Variants in ASTN1 observed in about 807,000 individuals in gnomAD.
ASTN1 encodes the protein astrotactin 1.
A neutral mutation model predicts 140.7 loss-of-function variants in ASTN1; 41 were observed. The ratio of observed to expected loss-of-function variants is 0.29; its 90% CI spans 0.23 to 0.38. ASTN1 has a LOEUF of 0.38. ASTN1 is among the 10% of genes least tolerant of loss of function. The pLI, the probability that ASTN1 is intolerant of heterozygous loss-of-function variation, is 1.00. For synonymous variants in ASTN1, 640 were observed against 652.2 expected (o/e 0.98, Z 0.29); for missense variants, 1,479 against 1,678.8 (o/e 0.88, Z 2.08).
intron 9 of ASTN1, among the ~76,000 whole-genome samples, chr1:176,962,842 T>C (rs1672724178): frequency 6.6e-6 from 1 of 152,222 alleles, no homozygotes; most frequent in Admixed American, 6.5e-5. Context: ...TGGAGACTGC[T>C]TTTTGGATGA....
intron 16 of ASTN1, among the ~76,000 whole-genome samples, chr1:176,928,152 C>T (rs759439701): frequency 3.4e-4 from 52 of 151,558 alleles, no homozygotes; most frequent in Non-Finnish European, 5.9e-4. Context: ...TACAGAAAGA[C>T]TAGACCCTAG....
intron 3 of ASTN1, 133 bp from the exon 4 acceptor site, chr1:177,031,085 G>A: frequency 1.0e-6 from 1 of 986,682 alleles, no homozygotes; most frequent in Non-Finnish European, 1.4e-6. Context: ...CTGAGAGACT[G>A]GCTGCAAGAA....
chr1:177,107,178 C>T (rs1680588221), intron 1 of ASTN1, among the ~76,000 whole-genome samples: 1 of 152,116 alleles, frequency 6.6e-6, no homozygotes. Context: ...ACCTGCTGAA[C>T]CAGAATCAGT....
chr1:176,999,665 C>G (rs1402703107), intron 8 of ASTN1, among the ~76,000 whole-genome samples: 2 of 152,048 alleles, frequency 1.3e-5, no homozygotes, highest in East Asian at 3.9e-4. Flanking sequence ...TGTCCCCACC[C>G]AAAATGTCAT....
At chr1:177,009,070 G>A (rs1250087475) in intron 8 of ASTN1, among the ~76,000 whole-genome samples, 1 of 152,142 alleles carries the variant, frequency 6.6e-6, no homozygotes, top group Non-Finnish European at 1.5e-5. Context: ...AAGACTTTGG[G>A]CTGGTCAAAG....
At chr1:176,947,165 C>CCCCT (rs1270859677) in intron 12 of ASTN1, among the ~76,000 whole-genome samples, 1 of 152,200 alleles carries the variant, frequency 6.6e-6, no homozygotes, top group Non-Finnish European at 1.5e-5. Flanking sequence ...AGCTGATTAA[C>CCCCT]CTCTCTGAGC....
At chr1:177,138,668 T>C (rs1425470870) in intron 1 of ASTN1, among the ~76,000 whole-genome samples, 2 of 152,156 alleles carry the variant, frequency 1.3e-5, no homozygotes, top group East Asian at 3.9e-4. Flanking sequence ...GAAGAGGTTT[T>C]GTGAGTTTGT....
chr1:176,869,111 CATATAGA>C, intron 21 of ASTN1, 84 bp from the exon 22 acceptor site: 2 of 928,944 alleles, frequency 2.2e-6, no homozygotes. Flanking sequence ...TGATCTATAT[CATATAGA>C]CATATCACAT....
rs529490113 is a variant in ASTN1, at chr1:176,958,265, C to A, written c.1736+80G>T. 2.6e-5 allele frequency: 41 copies of A among 1,598,416 alleles called. 1 individual carries two copies. In the African/African-American group the frequency reaches 5.4e-4, roughly 21 times the overall value. On this transcript the variant is annotated intron_variant, in intron 10 of 22. Coordinates refer to ENST00000361833, the MANE Select transcript of ASTN1 (RefSeq NM_004319.3). ...CTTTTAGCTTGTTGGGACTCCTTCC[C>A]CAGCACCTAAAACCTACAGGTAGTT...
chr1:177,077,932 G>A (rs1037788020), intron 1 of ASTN1, among the ~76,000 whole-genome samples: 27 of 152,264 alleles, frequency 1.8e-4, no homozygotes, highest in Non-Finnish European at 3.2e-4. Flanking sequence ...GTAGGAATGT[G>A]AAATTGGGAA....
At chr1:176,875,208 G>C (rs993763375) in intron 21 of ASTN1, among the ~76,000 whole-genome samples, 8 of 152,108 alleles carry the variant, frequency 5.3e-5, no homozygotes, top group Non-Finnish European at 2.9e-5. Context: ...TCTAGGTAAT[G>C]GGACCAATGT....
chr1:177,162,836 C>T (rs899296674), intron 1 of ASTN1, among the ~76,000 whole-genome samples: 7 of 152,136 alleles, frequency 4.6e-5, no homozygotes, highest in African/African-American at 2.4e-5. Context: ...TTTTGATGAG[C>T]GGCATATCCA....
intron 1 of ASTN1, among the ~76,000 whole-genome samples, chr1:177,068,799 TC>T (rs1678489529): frequency 6.6e-6 from 1 of 151,886 alleles, no homozygotes; most frequent in African/African-American, 2.4e-5. Flanking sequence ...TTTGGATTTT[TC>T]TTTTTTTCCT....
intron 9 of ASTN1, among the ~76,000 whole-genome samples, chr1:176,963,125 A>G (rs1307946638): frequency 6.6e-6 from 1 of 152,200 alleles, no homozygotes; most frequent in African/African-American, 2.4e-5. Flanking sequence ...CTAAGAACAA[A>G]AGGTTCTCTA....
chr1:177,095,360 A>C (rs1679979601), intron 1 of ASTN1, among the ~76,000 whole-genome samples: 1 of 152,198 alleles, frequency 6.6e-6, no homozygotes, highest in Non-Finnish European at 1.5e-5. Flanking sequence ...GTCTGCTACT[A>C]TTTGTTGAGA....
chr1:177,122,575 A>G (rs944267937), intron 1 of ASTN1, among the ~76,000 whole-genome samples: 1 of 151,976 alleles, frequency 6.6e-6, no homozygotes, highest in South Asian at 2.1e-4. Flanking sequence ...AGGATACTAC[A>G]CTCAGCTCAG....
chr1:177,024,306 C>T (rs2101958710), intron 6 of ASTN1, among the ~76,000 whole-genome samples: 2 of 152,268 alleles, frequency 1.3e-5, no homozygotes, highest in South Asian at 4.1e-4. Context: ...AGCCAGTGGG[C>T]TGTGCATTTC....
chr1:177,030,781 G>A (rs12568439), intron 4 of ASTN1, 25 bp downstream of exon 4: 269,975 of 1,612,986 alleles, frequency 0.17, 24,168 homozygotes, highest in East Asian at 0.23. Context: ...ATCCACCCAC[G>A]AGCCCTAATG....
chr1:177,025,360 G>A (rs1676053179), intron 5 of ASTN1, among the ~76,000 whole-genome samples: 1 of 152,208 alleles, frequency 6.6e-6, no homozygotes, highest in Admixed American at 6.5e-5. Context: ...AATCATTGCT[G>A]AGGATTAAGA....
Sources: gnomAD v4.1 joint callset for allele counts (sites outside exome capture counted in the v4.1 genomes callset) on GRCh38, gnomAD v4.1.1 for gene constraint, MANE v1.5 for transcripts, NCBI Gene and HGNC (gene_info 2026-07-23, HGNC 2026-07-21) for gene names.